Variants in SMARCC1 observed in about 807,000 individuals in gnomAD.
The protein encoded by SMARCC1 is SWI/SNF related BAF chromatin remodeling complex subunit C1.
A neutral mutation model predicts 147.4 loss-of-function variants in SMARCC1; 43 were observed. The observed-to-expected ratio is 0.29, with a 90% CI of 0.23 to 0.38. SMARCC1 has a LOEUF of 0.38. Ranked by LOEUF, SMARCC1 falls within the 10% of genes least tolerant of loss-of-function variation. The pLI, the probability that SMARCC1 is intolerant of heterozygous loss-of-function variation, is 1.00. For missense variants in SMARCC1, 1,119 were observed against 1,381.1 expected (o/e 0.81, Z 3.01); for synonymous variants, 495 against 484.4 (o/e 1.02, Z -0.29).
intron 14 of SMARCC1, among the ~76,000 whole-genome samples, chr3:47,682,550 C>G (rs374476626): frequency 6.6e-6 from 1 of 152,148 alleles, no homozygotes; most frequent in African/African-American, 2.4e-5. Flanking sequence ...AGCCATAGCA[C>G]CAGCCCCCTT....
chr3:47,643,007 C>G (rs2033069481), intron 21 of SMARCC1, among the ~76,000 whole-genome samples: 1 of 152,174 alleles, frequency 6.6e-6, no homozygotes, highest in Non-Finnish European at 1.5e-5. Context: ...GATCACACCA[C>G]TGTACTTCAG....
chr3:47,643,947 CTG>C (rs1426070196), intron 21 of SMARCC1, among the ~76,000 whole-genome samples: 1 of 152,182 alleles, frequency 6.6e-6, no homozygotes, highest in African/African-American at 2.4e-5. Context: ...TCTCAGCACT[CTG>C]GAAGGCTGGT....
At chr3:47,613,099 C>T (rs962421526) in intron 25 of SMARCC1, among the ~76,000 whole-genome samples, 44 of 152,130 alleles carry the variant, frequency 2.9e-4, no homozygotes, top group African/African-American at 1.0e-3. Flanking sequence ...ATTTTAAATG[C>T]ACTTAACCAA....
At chr3:47,666,226 T>C (rs1262077082) in intron 19 of SMARCC1, among the ~76,000 whole-genome samples, 1 of 152,202 alleles carries the variant, frequency 6.6e-6, no homozygotes, top group Non-Finnish European at 1.5e-5. Context: ...CATCATGTTT[T>C]AGGACCAACA....
intron 2 of SMARCC1, 38 bp downstream of exon 2, chr3:47,772,779 C>A: frequency 1.3e-6 from 2 of 1,570,674 alleles, no homozygotes; most frequent in Non-Finnish European, 1.7e-6. Flanking sequence ...TATACAGCAA[C>A]TGAGGATGCC....
At chr3:47,679,770 G>A (rs1292998695) in intron 15 of SMARCC1, among the ~76,000 whole-genome samples, 1 of 150,070 alleles carries the variant, frequency 6.7e-6, no homozygotes, top group Non-Finnish European at 1.5e-5. Flanking sequence ...GCTGAGGCAG[G>A]AGAATAGCTT....
intron 21 of SMARCC1, among the ~76,000 whole-genome samples, chr3:47,660,399 T>G (rs1277269806): frequency 7.5e-6 from 1 of 132,644 alleles, no homozygotes. Context: ...TGAGCTGAGA[T>G]CGCGCCACTG....
chr3:47,623,013 A>C (rs1407329993), intron 24 of SMARCC1, among the ~76,000 whole-genome samples: 2 of 152,130 alleles, frequency 1.3e-5, no homozygotes, highest in Non-Finnish European at 2.9e-5. Context: ...ACTAGCTAGT[A>C]ATCAATCCCA....
In SMARCC1 at chr3:47,689,425, CT is replaced by C; in HGVS notation, c.1226-2del. 1.2e-6 allele frequency: 2 copies of C among 1,612,390 alleles called. No homozygotes were observed. Among genetic ancestry groups the C allele is most frequent in the Non-Finnish European group, 1.7e-6 (2 of 1,178,456 alleles). ...GTGACTGTTTCTTCATCCTGCTCAT[CT>C]GCAAAACCAAAACACACAATTCATT... On this transcript the variant is annotated splice_acceptor_variant, in intron 12 of 27. Coordinates refer to ENST00000254480, the MANE Select transcript of SMARCC1 (RefSeq NM_003074.4). LOFTEE classifies it high-confidence loss of function.
rs775759680 is a variant in SMARCC1 at position 47,671,173 on chromosome 3, C to CAAAAAAAAAAAAAAAAA, written c.1840-473_1840-457dup. On this transcript the variant is annotated intron_variant, in intron 18 of 27. Coordinates refer to ENST00000254480, the MANE Select transcript of SMARCC1 (RefSeq NM_003074.4). Reference sequence around the variant, plus strand: ...CCTGGGCAACAGAGCGAGACTATCTCAAAAAAAAAAAAAAAAAAAAAAAAA... The same window carrying CAAAAAAAAAAAAAAAAA: ...CCTGGGCAACAGAGCGAGACTATCTCAAAAAAAAAAAAAAAAAAAAAAAAAAAAAAAAAAAAAAAAAA... Among the ~76,000 whole-genome samples the CAAAAAAAAAAAAAAAAA allele has an allele frequency of 6.2e-4, 18 of 29,236 alleles. 1 individual carries two copies. Among genetic ancestry groups the CAAAAAAAAAAAAAAAAA allele is most frequent in the African/African-American group, 1.5e-3 (9 of 6,088 alleles). The allele number at this position is 29,236 out of a possible 152,430, so 19.2% of individuals were successfully genotyped here. A position where few individuals can be genotyped will look rare whatever the true frequency, so the allele number is the denominator to read the frequency against.
chr3:47,622,951 C>T (rs1220876241), intron 24 of SMARCC1, among the ~76,000 whole-genome samples: 3 of 152,138 alleles, frequency 2.0e-5, no homozygotes, highest in African/African-American at 4.8e-5. Flanking sequence ...GCCAACTCAA[C>T]AGCACAAACA....
chr3:47,621,811 A>C, intron 25 of SMARCC1, among the ~76,000 whole-genome samples: 1 of 150,642 alleles, frequency 6.6e-6, no homozygotes, highest in Non-Finnish European at 1.5e-5. Flanking sequence ...AATAAAAATT[A>C]AAACTTTAAA....
intron 6 of SMARCC1, among the ~76,000 whole-genome samples, chr3:47,722,251 G>A (rs2106811809): frequency 6.7e-6 from 1 of 149,262 alleles, no homozygotes; most frequent in South Asian, 2.2e-4. Context: ...AAGAAGAAAA[G>A]GTATCTTTCC....
At chr3:47,741,363 T>A in intron 3 of SMARCC1, among the ~76,000 whole-genome samples, 1 of 35,982 alleles carries the variant, frequency 2.8e-5, no homozygotes, top group Non-Finnish European at 9.5e-5. Flanking sequence ...CTCAACGATT[T>A]AATATTAAAA....
At chr3:47,747,613 CAG>C (rs1406038436) in intron 2 of SMARCC1, among the ~76,000 whole-genome samples, 2 of 151,232 alleles carry the variant, frequency 1.3e-5, no homozygotes, top group African/African-American at 4.9e-5. Flanking sequence ...GCCTGGGTGA[CAG>C]AGTGTGACCT....
chr3:47,769,578 C>T (rs1356799865), intron 2 of SMARCC1, among the ~76,000 whole-genome samples: 1 of 152,018 alleles, frequency 6.6e-6, no homozygotes, highest in East Asian at 1.9e-4. Context: ...CCCATCCTCC[C>T]CCACTTAGCT....
intron 24 of SMARCC1, among the ~76,000 whole-genome samples, chr3:47,630,941 T>C (rs968417749): frequency 2.0e-5 from 3 of 152,098 alleles, no homozygotes; most frequent in Non-Finnish European, 4.4e-5. Flanking sequence ...CACATGTCTG[T>C]GGAACCAGCT....
chr3:47,781,805 G>C lies in SMARCC1; in HGVS notation c.-8C>G, dbSNP rs2035052638. 1 of 1,420,178 alleles carries C rather than the reference G, an allele frequency of 7.0e-7. No individual in the cohort carries two copies. The highest frequency in any genetic ancestry group is 9.2e-7 in the Non-Finnish European group (1 of 1,088,636). The allele number at this position is 1,420,178 out of a possible 1,614,324, so 88.0% of individuals were successfully genotyped here. ...GCCCGCCGCTGCGGCCATCGTCGCAGCCCGTCGTCCCCACAGCCTGGCCCA... is the reference window on the plus strand; with the variant it reads ...GCCCGCCGCTGCGGCCATCGTCGCACCCCGTCGTCCCCACAGCCTGGCCCA... On this transcript the variant is annotated 5_prime_UTR_variant, in exon 1 of 28. Coordinates refer to ENST00000254480, the MANE Select transcript of SMARCC1 (RefSeq NM_003074.4).
chr3:47,585,460 C>T lies in SMARCC1; in HGVS notation c.*2749G>A, dbSNP rs1407546478. The T allele has an allele frequency of 6.6e-6, 1 of 152,178 alleles. No homozygotes were observed. Among genetic ancestry groups the T allele is most frequent in the Non-Finnish European group, 1.5e-5 (1 of 68,042 alleles). The allele number at this position is 152,178 out of a possible 1,614,324, so 9.4% of individuals were successfully genotyped here. A position where few individuals can be genotyped will look rare whatever the true frequency, so the allele number is the denominator to read the frequency against. Reference sequence around the variant, plus strand: ...TTGCTTCACTCGATTTATAAGCATCCTGAAAACAATCACTTCTTTTTTTCT... The same window carrying T: ...TTGCTTCACTCGATTTATAAGCATCTTGAAAACAATCACTTCTTTTTTTCT... On this transcript the variant is annotated 3_prime_UTR_variant, in exon 28 of 28. Transcript: ENST00000254480.
Sources: allele counts gnomAD v4.1 joint callset (sites outside exome capture counted in the v4.1 genomes callset), GRCh38; gene constraint gnomAD v4.1.1; transcripts MANE v1.5; gene names NCBI Gene and HGNC (gene_info 2026-07-23, HGNC 2026-07-21).